The following NAV1 variants were observed in gnomAD, a reference collection of about 807,000 sequenced individuals.
NAV1 encodes neuron navigator 1, also known as pore membrane and/or filament interacting like protein 3.
A neutral mutation model predicts 175.2 loss-of-function variants in NAV1; 18 were observed. That is an observed-to-expected ratio of 0.10 (90% CI 0.07 to 0.15). The LOEUF (loss-of-function observed/expected upper bound fraction) is 0.15. Among genes scored for constraint, NAV1 ranks in the 10% least tolerant of loss-of-function variants. The pLI, the probability that NAV1 is intolerant of heterozygous loss-of-function variation, is 1.00. For missense variants in NAV1, 1,731 were observed against 2,436.6 expected, an observed-to-expected ratio of 0.71 and a Z score of 6.10; for synonymous variants, 897 against 978.7, an observed-to-expected ratio of 0.92 and a Z score of 1.56.
chr1:201,743,541 A>T (rs1316250747), intron 3 of NAV1, among the ~76,000 whole-genome samples: 2 of 152,240 alleles, frequency 1.3e-5, no homozygotes, highest in East Asian at 3.8e-4. Context: ...AATGACAATG[A>T]GAAAATGTGA....
At chr1:201,570,764 A>G (rs977978016) in intron 1 of NAV1, among the ~76,000 whole-genome samples, 2 of 152,140 alleles carry the variant, frequency 1.3e-5, no homozygotes, top group Admixed American at 6.5e-5. Flanking sequence ...CTTGGGATCT[A>G]TTCTCTCAAT....
chr1:201,696,840 C>G (rs913895107), intron 1 of NAV1, among the ~76,000 whole-genome samples: 10 of 152,184 alleles, frequency 6.6e-5, no homozygotes, highest in Admixed American at 3.3e-4. Flanking sequence ...AATCGGAGTA[C>G]TCATACTTAC....
chr1:201,565,272 T>G (rs1666319946), intron 1 of NAV1, among the ~76,000 whole-genome samples: 1 of 152,264 alleles, frequency 6.6e-6, no homozygotes, highest in African/African-American at 2.4e-5. Context: ...CATTACTACA[T>G]AAACCATGTG....
At chr1:201,636,942 T>C (rs1381793093) in intron 2 of NAV1, among the ~76,000 whole-genome samples, 1 of 152,220 alleles carries the variant, frequency 6.6e-6, no homozygotes, top group Non-Finnish European at 1.5e-5. Flanking sequence ...TCAGGCCCTG[T>C]GAAAGGCAAC....
intron 4 of NAV1, among the ~76,000 whole-genome samples, 177 bp from the exon 9 acceptor site, chr1:201,780,835 C>A (rs1473984224): frequency 6.6e-6 from 1 of 151,604 alleles, no homozygotes; most frequent in Admixed American, 6.6e-5. Context: ...GAAAAAGAAA[C>A]CCCGAGATAT....
chr1:201,582,013 G>A (rs1317104186), intron 1 of NAV1, among the ~76,000 whole-genome samples: 2 of 152,028 alleles, frequency 1.3e-5, no homozygotes, highest in East Asian at 1.9e-4. Context: ...GGAGAATGGC[G>A]TGAACCTGGG....
rs566384736 is a variant in NAV1 at position 201,712,928 on chromosome 1, G to A, written c.860+9G>A. On this transcript the variant is annotated intron_variant, in intron 2 of 29. Transcript: ENST00000367296. ...TCCCAGGTGACTCACAGGTAAGCTC[G>A]AGCTGCAGAGAGGGTCATGCCCTCT... 1.2e-4 allele frequency: 184 copies of A among 1,596,418 alleles called. 1 individual carries two copies. In the South Asian group the frequency reaches 1.8e-3, roughly 15 times the overall value.
At chr1:201,684,606 C>T (rs905673407) in intron 1 of NAV1, among the ~76,000 whole-genome samples, 2 of 151,284 alleles carry the variant, frequency 1.3e-5, no homozygotes, top group African/African-American at 4.9e-5. Context: ...TCCTGAGTAG[C>T]TGGGATTACA....
In NAV1 at chr1:201,813,634, T is replaced by C. The variant is rs551580931; in HGVS notation, c.5340+376T>C. Among the ~76,000 whole-genome samples, 1 of 151,776 alleles carries C rather than the reference T, an allele frequency of 6.6e-6. No homozygotes were observed. Among genetic ancestry groups the C allele is most frequent in the East Asian group, 1.9e-4 (1 of 5,182 alleles). On this transcript the variant is annotated intron_variant, in intron 28 of 29. Transcript: ENST00000367296. This position sits in a 1 kb window ranked among gnomAD's most constrained non-coding sequence, Gnocchi z 4.2. Reference sequence around the variant, plus strand: ...CTTACTACTAATAAGTATGTTATATTAACCAAGTTACTTGACCTTTTTAAA... The same window carrying C: ...CTTACTACTAATAAGTATGTTATATCAACCAAGTTACTTGACCTTTTTAAA...
At chr1:201,766,975 C>A (rs535301103) in intron 3 of NAV1, among the ~76,000 whole-genome samples, 2 of 151,890 alleles carry the variant, frequency 1.3e-5, no homozygotes, top group South Asian at 4.2e-4. Context: ...GCACGCACCA[C>A]CACACCCAGC....
chr1:201,556,492 G>T (rs79830239), intron 1 of NAV1, among the ~76,000 whole-genome samples: 5 of 152,150 alleles, frequency 3.3e-5, no homozygotes, highest in African/African-American at 7.2e-5. Flanking sequence ...CAGGACAGTG[G>T]GGGGACAGTG....
At chr1:201,670,193 C>G (rs1669982378) in intron 1 of NAV1, among the ~76,000 whole-genome samples, 1 of 151,056 alleles carries the variant, frequency 6.6e-6, no homozygotes, top group South Asian at 2.1e-4. Flanking sequence ...AGATCAAGAC[C>G]ACGGTGAAAC....
intron 1 of NAV1, among the ~76,000 whole-genome samples, chr1:201,692,711 A>G (rs894127429): frequency 6.6e-6 from 1 of 152,222 alleles, no homozygotes; most frequent in African/African-American, 2.4e-5. Flanking sequence ...GGCTATCTCT[A>G]AGTCTGTCTG....
exon 30 of NAV1, chr1:201,826,414 C>G (rs1470303446): frequency 1.3e-5 from 2 of 152,196 alleles, no homozygotes; most frequent in Non-Finnish European, 2.9e-5. Context: ...TTTGTTTTTG[C>G]TTTTTCTAAC....
intron 3 of NAV1, among the ~76,000 whole-genome samples, chr1:201,768,457 G>A (rs1675352032): frequency 6.6e-6 from 1 of 151,978 alleles, no homozygotes; most frequent in Non-Finnish European, 1.5e-5. Flanking sequence ...GGGCAACATG[G>A]TGAAACCCTG....
At position 201,810,024 on chromosome 1, in the gene NAV1, G is replaced by A. The variant is rs1199461580; in HGVS notation, c.4480G>A (p.Val1494Met). Residue 1494 changes from valine (V) to methionine (M), a missense_variant, in exon 23 of 30, where the codon GTG becomes ATG. Physicochemically the swap from Val to Met is conservative, Grantham distance 21. Transcript: ENST00000367296. This position sits in a 1 kb window ranked among gnomAD's most constrained non-coding sequence, Gnocchi z 6.0. ...CATCCATGGCTACAGCATCAGCCAC[G>A]TGAAACGAGTGTTGGATGCAGAGCC... The A allele has an allele frequency of 6.2e-6, 10 of 1,613,920 alleles. No homozygotes were observed. The highest frequency in any genetic ancestry group is 4.0e-5 in the African/African-American group (3 of 74,854).
At chr1:201,622,184 CTG>C (rs1214372230), upstream of NAV1, among the ~76,000 whole-genome samples, 2 of 151,634 alleles carry the variant, frequency 1.3e-5, no homozygotes, top group Non-Finnish European at 2.9e-5. Context: ...GAGAGGAAGA[CTG>C]TGAGCCAAGT....
chr1:201,696,918 G>A (rs888036978), intron 1 of NAV1, among the ~76,000 whole-genome samples: 42 of 152,200 alleles, frequency 2.8e-4, no homozygotes, highest in Non-Finnish European at 8.8e-5. Flanking sequence ...GCACACTCGG[G>A]AAATACTGTC....
chr1:201,728,708 T>C (rs1293653839), intron 3 of NAV1, among the ~76,000 whole-genome samples: 1 of 150,692 alleles, frequency 6.6e-6, no homozygotes, highest in African/African-American at 2.4e-5. Context: ...CAATCCCCGA[T>C]CCCCCCTGAA....
Sources: gnomAD v4.1 joint callset for allele counts (sites outside exome capture counted in the v4.1 genomes callset) on GRCh38, gnomAD v4.1.1 for gene constraint, Gnocchi (gnomAD v3.1) non-coding constraint, MANE v1.5 for transcripts, NCBI Gene and HGNC (gene_info 2026-07-23, HGNC 2026-07-21) for gene names.